Variants in NDUFA5 observed in about 807,000 individuals in gnomAD.
NDUFA5 encodes NADH dehydrogenase [ubiquinone] 1 alpha subcomplex subunit 5.
Under a neutral mutation model 19.8 loss-of-function variants are expected in NDUFA5, and 11 were observed. The observed-to-expected ratio is 0.56, with a 90% confidence interval of 0.35 to 0.92. NDUFA5 has a LOEUF of 0.92. Ranked by LOEUF, NDUFA5 falls within the 40% of genes least tolerant of loss-of-function variation. The pLI, the probability that NDUFA5 is intolerant of heterozygous loss-of-function variation, is 0.01. For missense variants in NDUFA5, 109 were observed against 134.2 expected, an observed-to-expected ratio of 0.81 and a Z score of 0.93; for synonymous variants, 47 against 46.8, an observed-to-expected ratio of 1.00 and a Z score of -0.01.
Position 123,542,124 on chromosome 7 carries a change from T to A in NDUFA5, c.346A>T (p.Ile116Leu), listed in dbSNP as rs145241758. ...EPPADQWKWP[I>L] ...ACACCAAAGTCACTTAATAATTATA[T>A]TGGCCATTTCCACTGATCGGCAGGA... Residue 116 changes from isoleucine (I) to leucine (L), a missense_variant, in exon 5 of 5, where the codon ATA (isoleucine) becomes TTA (leucine). Physicochemically the swap from Ile to Leu is conservative, Grantham distance 5. Coordinates refer to ENST00000355749, the MANE Select transcript of NDUFA5 (RefSeq NM_005000.5). 14 of 1,605,992 alleles carry A rather than the reference T, an allele frequency of 8.7e-6. No individual in the cohort carries two copies. The African/African-American group carries it at 1.9e-4, about 22-fold the overall frequency.
At chr7:123,567,748 T>G in the NDUFA5 span, among the ~76,000 whole-genome samples, 17 of 152,226 alleles carry the variant, frequency 1.1e-4, no homozygotes, top group East Asian at 2.1e-3. Flanking sequence ...CCCTTATTTT[T>G]CAAGACTGGT....
the NDUFA5 span, among the ~76,000 whole-genome samples, chr7:123,589,566 C>T: frequency 2.0e-5 from 3 of 152,058 alleles, no homozygotes; most frequent in East Asian, 5.8e-4. Flanking sequence ...TGAGAATATG[C>T]TGTGTTTGGT....
chr7:123,599,907 C>T, the NDUFA5 span, among the ~76,000 whole-genome samples: 9 of 152,154 alleles, frequency 5.9e-5, no homozygotes, highest in African/African-American at 1.9e-4. Flanking sequence ...AAACTAGAGG[C>T]ACTGTTTGAA....
Position 123,547,409 on chromosome 7 carries a change from T to C in NDUFA5, c.184-1733A>G, listed in dbSNP as rs73718413. The stretch of plus-strand genomic sequence containing the variant: ...ACTCAGTTTTTACTTTTTTTTTTTC[T>C]TTTGGTCTCCCATCACTAACATGTA... On this transcript the variant is annotated intron_variant, in intron 3 of 4. Coordinates refer to ENST00000355749, the MANE Select transcript of NDUFA5 (RefSeq NM_005000.5). 6.7e-3 allele frequency among the ~76,000 whole-genome samples: 1,022 copies of C among 152,184 alleles called. 12 individuals are homozygous for C. Among genetic ancestry groups the C allele is most frequent in the African/African-American group, 0.024 (980 of 41,522 alleles).
chr7:123,593,680 A>G, the NDUFA5 span, among the ~76,000 whole-genome samples: 1 of 152,118 alleles, frequency 6.6e-6, no homozygotes, highest in Non-Finnish European at 1.5e-5. Flanking sequence ...TTTGTGGGTA[A>G]CCTGACCTTT....
At chr7:123,587,617 G>A in the NDUFA5 span, among the ~76,000 whole-genome samples, 1 of 151,532 alleles carries the variant, frequency 6.6e-6, no homozygotes, top group Non-Finnish European at 1.5e-5. Flanking sequence ...TCCTTGTCTT[G>A]TTCCAGTTCT....
chr7:123,553,491 C>G (rs1798432231), intron 2 of NDUFA5, among the ~76,000 whole-genome samples: 1 of 152,096 alleles, frequency 6.6e-6, no homozygotes, highest in African/African-American at 2.4e-5. Context: ...ATGGGAGCTA[C>G]AATTCAAGAT....
chr7:123,563,278 G>A, the NDUFA5 span, among the ~76,000 whole-genome samples: 1 of 152,110 alleles, frequency 6.6e-6, no homozygotes, highest in South Asian at 2.1e-4. Context: ...TTGTTTTAAA[G>A]TGAGAGATTT....
the NDUFA5 span, among the ~76,000 whole-genome samples, chr7:123,565,448 G>A: frequency 7.9e-5 from 12 of 151,716 alleles, no homozygotes; most frequent in Non-Finnish European, 1.5e-4. Flanking sequence ...CGAATTTAGG[G>A]AGAAACAATT....
At chr7:123,554,511 G>A (rs1020104047) in intron 2 of NDUFA5, among the ~76,000 whole-genome samples, 3 of 134,962 alleles carry the variant, frequency 2.2e-5, no homozygotes, top group Non-Finnish European at 3.4e-5. Context: ...TTTAAACTAT[G>A]TGCCGTTCAA....
the NDUFA5 span, among the ~76,000 whole-genome samples, chr7:123,570,509 A>G: frequency 3.9e-5 from 6 of 152,048 alleles, no homozygotes; most frequent in South Asian, 1.2e-3. Flanking sequence ...TATTTCTGGA[A>G]TGATCTGGGC....
At chr7:123,573,787 T>C in the NDUFA5 span, among the ~76,000 whole-genome samples, 2,401 of 152,254 alleles carry the variant, frequency 0.016, 21 homozygotes, top group South Asian at 0.033. Flanking sequence ...TAAAGACCAA[T>C]AGCTTTGTAG....
chr7:123,580,215 C>T, the NDUFA5 span, among the ~76,000 whole-genome samples: 3 of 151,956 alleles, frequency 2.0e-5, no homozygotes, highest in South Asian at 2.1e-4. Context: ...CGAAAGGATG[C>T]GTTTTGCCTG....
chr7:123,580,334 G>A, the NDUFA5 span, among the ~76,000 whole-genome samples: 1 of 152,128 alleles, frequency 6.6e-6, no homozygotes, highest in South Asian at 2.1e-4. Context: ...TGCTTGTTAA[G>A]TTTTTGGTTT....
At chr7:123,578,723 G>T in the NDUFA5 span, among the ~76,000 whole-genome samples, 1 of 151,950 alleles carries the variant, frequency 6.6e-6, no homozygotes, top group Non-Finnish European at 1.5e-5. Context: ...TTGAATGCAC[G>T]GTTAGAATTT....
the NDUFA5 span, among the ~76,000 whole-genome samples, chr7:123,572,838 A>G: frequency 6.7e-6 from 1 of 149,438 alleles, no homozygotes; most frequent in African/African-American, 2.5e-5. Context: ...CCATCTTTTA[A>G]ATTTATTATG....
At chr7:123,569,873 T>A in the NDUFA5 span, among the ~76,000 whole-genome samples, 1 of 152,128 alleles carries the variant, frequency 6.6e-6, no homozygotes, top group Non-Finnish European at 1.5e-5. Context: ...GGAATTTGAA[T>A]GTGATAAGAA....
chr7:123,594,570 G>A, the NDUFA5 span, among the ~76,000 whole-genome samples: 22 of 152,116 alleles, frequency 1.4e-4, no homozygotes, highest in Non-Finnish European at 4.4e-5. Context: ...GTTTGCTGGA[G>A]GTCCACTCCA....
upstream of NDUFA5, among the ~76,000 whole-genome samples, chr7:123,559,365 G>A (rs1393156499): frequency 2.7e-5 from 4 of 149,806 alleles, no homozygotes; most frequent in African/African-American, 4.9e-5. Flanking sequence ...AGATGGCTTC[G>A]CTGGTAAATT....
Sources: allele counts gnomAD v4.1 joint callset (sites outside exome capture counted in the v4.1 genomes callset), GRCh38; gene constraint gnomAD v4.1.1; transcripts MANE v1.5; gene names NCBI Gene and HGNC (gene_info 2026-07-23, HGNC 2026-07-21).